The following DOK6 variants were observed in gnomAD, a reference collection of about 807,000 sequenced individuals.
DOK6 encodes downstream of tyrosine kinase 6.
Under a neutral mutation model 44.0 loss-of-function variants are expected in DOK6, and 22 were observed. The ratio of observed to expected loss-of-function variants is 0.50; its 90% CI spans 0.36 to 0.71. The LOEUF is 0.71. Ranked by LOEUF, DOK6 falls within the 30% of genes least tolerant of loss-of-function variation. The probability of loss-of-function intolerance (pLI) is 0.00; values close to 1 mark genes in which losing one functional copy is unlikely to be tolerated. For missense variants in DOK6, 340 were observed against 416.4 expected (o/e 0.82, Z 1.60); for synonymous variants, 166 against 145.5 (o/e 1.14, Z -1.01).
chr18:69,633,117 T>G (rs1037619725), intron 3 of DOK6, among the ~76,000 whole-genome samples: 3 of 152,226 alleles, frequency 2.0e-5, no homozygotes, highest in African/African-American at 7.2e-5. Context: ...TCAAGAACTA[T>G]TGTTTTAATT....
intron 2 of DOK6, among the ~76,000 whole-genome samples, chr18:69,585,112 G>A (rs1599206395): frequency 1.3e-5 from 2 of 151,524 alleles, no homozygotes; most frequent in Non-Finnish European, 2.9e-5. Flanking sequence ...TCAGTTGAAT[G>A]TCTAAATTCT....
At chr18:69,753,692 T>C (rs922250355) in intron 6 of DOK6, among the ~76,000 whole-genome samples, 8 of 152,254 alleles carry the variant, frequency 5.3e-5, no homozygotes, top group Non-Finnish European at 1.0e-4. Context: ...GATTTCTGTA[T>C]GTATGCCAGA....
At chr18:69,776,745 A>C (rs2144771390) in intron 7 of DOK6, among the ~76,000 whole-genome samples, 1 of 152,204 alleles carries the variant, frequency 6.6e-6, no homozygotes, top group South Asian at 2.1e-4. Flanking sequence ...AGGAAATGGA[A>C]GCTAAAATTC....
intron 1 of DOK6, among the ~76,000 whole-genome samples, chr18:69,520,996 G>A (rs1275859209): frequency 6.6e-6 from 1 of 151,824 alleles, no homozygotes; most frequent in Non-Finnish European, 1.5e-5. Flanking sequence ...AAAGTGTGAT[G>A]GTAATAACAG....
chr18:69,721,402 C>A (rs1463793588), intron 5 of DOK6: 1 of 152,154 alleles, frequency 6.6e-6, no homozygotes, highest in East Asian at 1.9e-4. Context: ...GATTCCAAGG[C>A]AACTGGCTAT....
At chr18:69,671,635 G>A (rs572653277) in intron 3 of DOK6, among the ~76,000 whole-genome samples, 1 of 152,252 alleles carries the variant, frequency 6.6e-6, no homozygotes, top group South Asian at 2.1e-4. Flanking sequence ...ACCATGTCAG[G>A]TAGTGCTCTG....
At chr18:69,545,417 G>A (rs1982377048) in intron 1 of DOK6, among the ~76,000 whole-genome samples, 1 of 146,904 alleles carries the variant, frequency 6.8e-6, no homozygotes, top group Non-Finnish European at 1.5e-5. Flanking sequence ...CTTCATTTCT[G>A]TCTGTAAATT....
At chr18:69,573,651 G>C (rs1238947988) in intron 2 of DOK6, among the ~76,000 whole-genome samples, 1 of 151,598 alleles carries the variant, frequency 6.6e-6, no homozygotes, top group Admixed American at 6.6e-5. Flanking sequence ...TTTTTTAAGA[G>C]TGTATGCAAG....
intron 7 of DOK6, among the ~76,000 whole-genome samples, chr18:69,822,056 A>G (rs1981589470): frequency 1.3e-5 from 2 of 151,984 alleles, no homozygotes; most frequent in Admixed American, 6.6e-5. Context: ...AGGTTATTCA[A>G]CTCTCCCTAT....
chr18:69,736,035 G>A (rs1200115796), intron 5 of DOK6, among the ~76,000 whole-genome samples: 1 of 152,140 alleles, frequency 6.6e-6, no homozygotes, highest in Non-Finnish European at 1.5e-5. Context: ...ATCCCCAGTT[G>A]TCCTCCTCAT....
chr18:69,461,310 T>G (rs1979779983), intron 1 of DOK6, among the ~76,000 whole-genome samples: 2 of 152,174 alleles, frequency 1.3e-5, no homozygotes, highest in Non-Finnish European at 2.9e-5. Context: ...TTATTTTTGC[T>G]TATTTTCAAG....
intron 6 of DOK6, among the ~76,000 whole-genome samples, chr18:69,750,805 G>A (rs1256614884): frequency 6.6e-6 from 1 of 152,134 alleles, no homozygotes; most frequent in Admixed American, 6.6e-5. Context: ...TTTCACAATA[G>A]TAAGTTTATG....
intron 2 of DOK6, among the ~76,000 whole-genome samples, chr18:69,565,948 T>G (rs574696638): frequency 6.6e-6 from 1 of 152,310 alleles, no homozygotes; most frequent in East Asian, 1.9e-4. Context: ...CCTAACTTAA[T>G]GAGGAACTGC....
In DOK6 at chr18:69,845,626, A is replaced by G. The variant is rs1315692085; in HGVS notation, c.*4243A>G. On this transcript the variant is annotated 3_prime_UTR_variant, in exon 8 of 8. Transcript: ENST00000382713. ...AGTCATGAACGCAACAATTTAGGTT[A>G]AATGATAAAGAATACAATGAAATGT... 6.6e-6 allele frequency: 1 copy of G among 152,222 alleles called. No homozygotes were observed. The highest frequency in any genetic ancestry group is 1.5e-5 in the Non-Finnish European group (1 of 68,044). The allele number at this position is 152,222 out of a possible 1,614,324, so 9.4% of individuals were successfully genotyped here.
At chr18:69,490,405 A>G (rs1233759959) in intron 1 of DOK6, among the ~76,000 whole-genome samples, 1 of 152,208 alleles carries the variant, frequency 6.6e-6, no homozygotes, top group East Asian at 1.9e-4. Flanking sequence ...ATTTAGAAAG[A>G]AAAAACTTTA....
At chr18:69,561,649 G>A (rs892431229) in intron 1 of DOK6, among the ~76,000 whole-genome samples, 2 of 152,028 alleles carry the variant, frequency 1.3e-5, no homozygotes, top group African/African-American at 4.8e-5. Flanking sequence ...GTTTGTTAGG[G>A]AAGGTGCATC....
At chr18:69,485,921 C>A (rs1212232561) in intron 1 of DOK6, among the ~76,000 whole-genome samples, 2 of 142,114 alleles carry the variant, frequency 1.4e-5, no homozygotes, top group African/African-American at 5.2e-5. Flanking sequence ...GTATATCTCC[C>A]AGTATCCCCT....
At chr18:69,634,695 C>A (rs559232119) in intron 3 of DOK6, among the ~76,000 whole-genome samples, 15 of 152,142 alleles carry the variant, frequency 9.9e-5, no homozygotes, top group African/African-American at 3.6e-4. Flanking sequence ...AGAAATAAAG[C>A]CCAGACCCTG....
intron 1 of DOK6, among the ~76,000 whole-genome samples, chr18:69,553,277 T>C (rs888988007): frequency 6.6e-6 from 1 of 152,224 alleles, no homozygotes; most frequent in African/African-American, 2.4e-5. Flanking sequence ...TTGTGCATAG[T>C]GTAAGTCTAT....
Sources: allele counts gnomAD v4.1 joint callset (sites outside exome capture counted in the v4.1 genomes callset), GRCh38; gene constraint gnomAD v4.1.1; transcripts MANE v1.5; gene names NCBI Gene and HGNC (gene_info 2026-07-23, HGNC 2026-07-21).